ANKS1A: variants seen among roughly 807,000 people sequenced by gnomAD.
ANKS1A encodes ankyrin repeat and SAM domain-containing protein 1A.
A neutral mutation model predicts 120.3 loss-of-function variants in ANKS1A; 55 were observed. That is an observed-to-expected ratio of 0.46 (90% CI 0.37 to 0.57). The LOEUF is 0.57. ANKS1A is among the 20% of genes least tolerant of loss of function. ANKS1A has a pLI of 0.00. For synonymous variants in ANKS1A, 590 were observed against 604.7 expected, an observed-to-expected ratio of 0.98 and a Z score of 0.36; for missense variants, 1,123 against 1,480.3, an observed-to-expected ratio of 0.76 and a Z score of 3.96.
At chr6:35,066,077 G>A (rs820077) in intron 13 of ANKS1A, among the ~76,000 whole-genome samples, 110,178 of 152,142 alleles carry the variant, frequency 0.72, 42,136 homozygotes, top group South Asian at 0.89. Context: ...TGTGACTTTC[G>A]GCAGGTTACC....
rs562155002 is a variant in ANKS1A, at chr6:35,086,854, A to G, written c.3304-98A>G. ...GAGAATAAGGGCTGCCCCTCCCAGCACAGGGGCCACAGCCTGGCCTGGGGG... is the reference window on the plus strand; with the variant it reads ...GAGAATAAGGGCTGCCCCTCCCAGCGCAGGGGCCACAGCCTGGCCTGGGGG... On this transcript the variant is annotated intron_variant, in intron 22 of 23. Coordinates refer to ENST00000360359, the MANE Select transcript of ANKS1A (RefSeq NM_015245.3). The surrounding 1 kb of genome is among the most constrained non-coding windows in gnomAD (Gnocchi z 5.1). The G allele has an allele frequency of 4.7e-5, 57 of 1,214,314 alleles. No individual in the cohort carries two copies. Among genetic ancestry groups the G allele is most frequent in the Non-Finnish European group, 5.1e-5 (42 of 820,744 alleles). 75.2% of individuals were successfully genotyped at this position (1,214,314 alleles called of 1,614,324 possible). A position where few individuals can be genotyped will look rare whatever the true frequency, so the allele number is the denominator to read the frequency against.
At chr6:34,999,886 A>G (rs1482467685) in intron 10 of ANKS1A, among the ~76,000 whole-genome samples, 1 of 152,108 alleles carries the variant, frequency 6.6e-6, no homozygotes, top group Non-Finnish European at 1.5e-5. Flanking sequence ...GAGTCAAGAA[A>G]AGAGAAAGAG....
At chr6:34,947,986 TAGAG>T (rs1300387673) in intron 1 of ANKS1A, among the ~76,000 whole-genome samples, 1 of 152,116 alleles carries the variant, frequency 6.6e-6, no homozygotes, top group African/African-American at 2.4e-5. Flanking sequence ...ATATTACAAT[TAGAG>T]AGACAAAGAA....
intron 1 of ANKS1A, among the ~76,000 whole-genome samples, chr6:34,896,508 GAAACA>G (rs1182565849): frequency 6.6e-6 from 1 of 151,798 alleles, no homozygotes; most frequent in Non-Finnish European, 1.5e-5. Context: ...AAAACAAAAG[GAAACA>G]AAAAAAGGTA....
At position 34,989,322 on chromosome 6, in the gene ANKS1A, G is replaced by A; in HGVS notation, c.1302+6G>A. On this transcript the variant is annotated splice_donor_region_variant and intron_variant, in intron 9 of 23. Transcript: ENST00000360359. ...TTCCCTTGACAGCTTCTGAGGTAGA[G>A]GGTTGTGGGTTTATTCCCCATTGCT... is the stretch of plus-strand genomic sequence containing the variant. The A allele has an allele frequency of 6.2e-7, 1 of 1,611,550 alleles. No homozygotes were observed. The highest frequency in any genetic ancestry group is 8.5e-7 in the Non-Finnish European group (1 of 1,179,014).
rs184919881 is a variant in ANKS1A at position 35,010,484 on chromosome 6, A to C, written c.1424-6989A>C. Among the ~76,000 whole-genome samples, 116 of 152,360 alleles carry C rather than the reference A, an allele frequency of 7.6e-4. 1 individual carries two copies. Among genetic ancestry groups the C allele is most frequent in the African/African-American group, 2.6e-3 (110 of 41,590 alleles). The stretch of plus-strand genomic sequence containing the variant: ...TAAAGATAGTTCCCAAAAGTTACAC[A>C]TGCCACTTTCACTTATAACCCACTG... On this transcript the variant is annotated intron_variant, in intron 10 of 23. Transcript: ENST00000360359.
At position 35,085,967 on chromosome 6, in the gene ANKS1A, T is replaced by G; in HGVS notation, c.3303+31T>G. On this transcript the variant is annotated intron_variant, in intron 22 of 23. Coordinates refer to ENST00000360359, the MANE Select transcript of ANKS1A (RefSeq NM_015245.3). The surrounding 1 kb of genome is among the most constrained non-coding windows in gnomAD (Gnocchi z 4.7). ...TGGGCCCCACTGGCCAAGATCCCCCTCTCCCTGGCCCCAGGGATTCAAGGG... is the reference window on the plus strand; with the variant it reads ...TGGGCCCCACTGGCCAAGATCCCCCGCTCCCTGGCCCCAGGGATTCAAGGG... 1 of 1,565,686 alleles carries G rather than the reference T, an allele frequency of 6.4e-7. No individual in the cohort carries two copies. Among genetic ancestry groups the G allele is most frequent in the Non-Finnish European group, 8.6e-7 (1 of 1,159,192 alleles).
At chr6:34,967,454 G>A (rs539844855) in intron 2 of ANKS1A, 135 bp downstream of exon 2, 5 of 663,776 alleles carry the variant, frequency 7.5e-6, no homozygotes, top group East Asian at 5.8e-5. Context: ...TTGGGAGGCC[G>A]AGGTGGGAGG....
chr6:35,090,650 C>T lies in ANKS1A; in HGVS notation c.*2041C>T. The T allele has an allele frequency of 1.0e-6, 1 of 992,056 alleles. No individual in the cohort carries two copies. The highest frequency in any genetic ancestry group is 1.2e-6 in the Non-Finnish European group (1 of 834,196). 61.5% of individuals were successfully genotyped at this position (992,056 alleles called of 1,614,324 possible). A position where few individuals can be genotyped will look rare whatever the true frequency, so the allele number is the denominator to read the frequency against. On this transcript the variant is annotated 3_prime_UTR_variant, in exon 24 of 24. Coordinates refer to ENST00000360359, the MANE Select transcript of ANKS1A (RefSeq NM_015245.3). The stretch of plus-strand genomic sequence containing the variant: ...GGGCCTTTCTTTCTTTTCTTCTCCT[C>T]TGGGATGGGTAGTCTCCCTTTCCTA...
chr6:34,972,661 A>G, intron 3 of ANKS1A: 3 of 983,534 alleles, frequency 3.1e-6, no homozygotes, highest in Non-Finnish European at 1.2e-6. Context: ...CTTTGCTGCC[A>G]GGAATTCTCT....
intron 8 of ANKS1A, among the ~76,000 whole-genome samples, chr6:34,988,702 A>G (rs1416506613): frequency 1.3e-5 from 2 of 152,246 alleles, no homozygotes; most frequent in African/African-American, 2.4e-5. Flanking sequence ...CTTTTTGCTA[A>G]TAAATGGGAG....
Position 35,089,819 on chromosome 6 carries a change from C to A in ANKS1A, c.*1210C>A. 1 of 1,024,424 alleles carries A rather than the reference C, an allele frequency of 9.8e-7. No individual in the cohort carries two copies. Among genetic ancestry groups the A allele is most frequent in the Non-Finnish European group, 1.2e-6 (1 of 854,122 alleles). 63.5% of individuals were successfully genotyped at this position (1,024,424 alleles called of 1,614,324 possible). A position where few individuals can be genotyped will look rare whatever the true frequency, so the allele number is the denominator to read the frequency against. ...GGGAAACTGCTGTGGATTTGAGAGGCAAAGTTGGCTCAGCTGTGTGCCCAG... is the reference window on the plus strand; with the variant it reads ...GGGAAACTGCTGTGGATTTGAGAGGAAAAGTTGGCTCAGCTGTGTGCCCAG... On this transcript the variant is annotated 3_prime_UTR_variant, in exon 24 of 24. Transcript: ENST00000360359.
Position 35,049,517 on chromosome 6 carries a change from G to A in ANKS1A, c.2011-4582G>A, listed in dbSNP as rs144663507. Among the ~76,000 whole-genome samples, 1,506 of 152,296 alleles carry A rather than the reference G, an allele frequency of 9.9e-3. 27 individuals carry two copies. The highest frequency in any genetic ancestry group is 0.033 in the African/African-American group (1,382 of 41,550). On this transcript the variant is annotated intron_variant, in intron 11 of 23. Coordinates refer to ENST00000360359, the MANE Select transcript of ANKS1A (RefSeq NM_015245.3). The stretch of plus-strand genomic sequence containing the variant: ...CTGGGCCAATAAGGTCATCAGTGCC[G>A]AGTGGAAGAGGCGAGGTGGAAGGTG...
intron 8 of ANKS1A, among the ~76,000 whole-genome samples, chr6:34,985,489 A>G (rs1772147963): frequency 6.6e-6 from 1 of 152,122 alleles, no homozygotes; most frequent in Non-Finnish European, 1.5e-5. Context: ...TTAGAGTTTC[A>G]TTTTTTCTAG....
rs866148944 is a variant in ANKS1A, at chr6:34,889,328, G to C, written c.-75G>C. 1.5e-4 allele frequency: 188 copies of C among 1,228,974 alleles called. No homozygotes were observed. The highest frequency in any genetic ancestry group is 1.8e-4 in the Non-Finnish European group (173 of 986,450). 76.1% of individuals were successfully genotyped at this position (1,228,974 alleles called of 1,614,324 possible). ...CGGTTTGGGGGGTGCGTTGCCCGGA[G>C]ACGGAAAGTTTGGGAGCCCGAGCAG... is the stretch of plus-strand genomic sequence containing the variant. On this transcript the variant is annotated 5_prime_UTR_variant, in exon 1 of 24. Coordinates refer to ENST00000360359, the MANE Select transcript of ANKS1A (RefSeq NM_015245.3). The surrounding 1 kb of genome is among the most constrained non-coding windows in gnomAD (Gnocchi z 5.5).
intron 1 of ANKS1A, among the ~76,000 whole-genome samples, chr6:34,903,071 A>G (rs1654593543): frequency 6.6e-6 from 1 of 152,168 alleles, no homozygotes; most frequent in Admixed American, 6.5e-5. Context: ...GCTGAGAGGA[A>G]TGCATTATAC....
chr6:34,986,076 T>G (rs1466048059), intron 8 of ANKS1A, among the ~76,000 whole-genome samples: 2 of 152,226 alleles, frequency 1.3e-5, no homozygotes, highest in Non-Finnish European at 1.5e-5. Context: ...AGCCTACAAT[T>G]GGGCAAAATC....
At chr6:34,959,758 C>T (rs1389208254) in intron 1 of ANKS1A, among the ~76,000 whole-genome samples, 4 of 152,152 alleles carry the variant, frequency 2.6e-5, no homozygotes, top group Non-Finnish European at 5.9e-5. Flanking sequence ...CTCAAGTTTT[C>T]GCTTGAGTTT....
intron 11 of ANKS1A, among the ~76,000 whole-genome samples, chr6:35,039,279 A>G (rs1021848554): frequency 1.2e-4 from 17 of 146,088 alleles, no homozygotes; most frequent in African/African-American, 3.8e-4. Context: ...GCTCACTGCA[A>G]CCTCCGCCTC....
Sources: gnomAD v4.1 joint callset for allele counts (sites outside exome capture counted in the v4.1 genomes callset) on GRCh38, gnomAD v4.1.1 for gene constraint, Gnocchi (gnomAD v3.1) non-coding constraint, MANE v1.5 for transcripts, NCBI Gene and HGNC (gene_info 2026-07-23, HGNC 2026-07-21) for gene names.